PROX1: variants seen among roughly 807,000 people sequenced by gnomAD.
PROX1 encodes the protein prospero homeobox protein 1.
In PROX1, 7 loss-of-function variants were observed where a neutral mutation model predicts 58.8. The ratio of observed to expected loss-of-function variants is 0.12; its 90% CI spans 0.07 to 0.22. The LOEUF is 0.22. Among genes scored for constraint, PROX1 ranks in the 10% least tolerant of loss-of-function variants. The pLI, the probability that PROX1 is intolerant of heterozygous loss-of-function variation, is 1.00. For missense variants in PROX1, 675 were observed against 927.8 expected (o/e 0.73, Z 3.54); for synonymous variants, 350 against 358.3 (o/e 0.98, Z 0.26).
chr1:214,019,878 A>T (rs532553812), intron 4 of PROX1, among the ~76,000 whole-genome samples: 1 of 152,214 alleles, frequency 6.6e-6, no homozygotes, highest in East Asian at 1.9e-4. Context: ...GCTGATGATC[A>T]TGTATTCATC....
intron 4 of PROX1, among the ~76,000 whole-genome samples, chr1:214,014,897 T>G (rs553935764): frequency 6.6e-6 from 1 of 152,258 alleles, no homozygotes; most frequent in East Asian, 1.9e-4. Context: ...TGCTGATGGC[T>G]CTCAAGGCTG....
chr1:214,029,811 G>T (rs1326993544), intron 4 of PROX1: 5 of 152,122 alleles, frequency 3.3e-5, no homozygotes, highest in Non-Finnish European at 1.5e-5. Context: ...GAGGCTGGGG[G>T]GTGGCTGGGG....
chr1:214,036,065 T>TAACA lies in PROX1; in HGVS notation c.*232_*235dup. On this transcript the variant is annotated 3_prime_UTR_variant, in exon 5 of 5. Coordinates refer to ENST00000366958, the MANE Select transcript of PROX1 (RefSeq NM_001270616.2). ...TTAGTTTGCTTTTGCCCAAGGCCCT[T>TAACA]AACATTTGGACACTTAAAATAGGGT... 2.8e-6 allele frequency: 1 copy of TAACA among 359,082 alleles called. No homozygotes were observed. Among genetic ancestry groups the TAACA allele is most frequent in the East Asian group, 4.5e-5 (1 of 22,264 alleles). 22.2% of individuals were successfully genotyped at this position (359,082 alleles called of 1,614,324 possible). A position where few individuals can be genotyped will look rare whatever the true frequency, so the allele number is the denominator to read the frequency against.
chr1:213,985,769 A>C (rs936519617), upstream of PROX1: 1 of 152,240 alleles, frequency 6.6e-6, no homozygotes, highest in African/African-American at 2.4e-5. Flanking sequence ...TTGTGGGCTA[A>C]AGTGCAAGCC....
At chr1:214,015,680 C>T (rs1664069150) in intron 4 of PROX1, among the ~76,000 whole-genome samples, 1 of 151,774 alleles carries the variant, frequency 6.6e-6, no homozygotes, top group Admixed American at 6.6e-5. Context: ...AGCCAAAAGA[C>T]ATAGCAGCTA....
Position 213,997,348 on chromosome 1 carries a change from T to C in PROX1, c.813T>C (p.Asp271=), listed in dbSNP as rs140471005. The change falls in exon 2 of 5, where the codon GAT becomes GAC. Residue 271 remains aspartate (D), a synonymous_variant. Transcript: ENST00000366958. This position sits in a 1 kb window ranked among gnomAD's most constrained non-coding sequence, Gnocchi z 7.1. ...GCACTGATTCGGAAAATGATGAAGA[T>C]GGTAACCTGTCTGAAGACAGCATGC... ...YDSTDSENDE[D]GNLSEDSMRS... 6 of 1,613,912 alleles carry C rather than the reference T, an allele frequency of 3.7e-6. No homozygotes were observed. The African/African-American group carries it at 6.7e-5, about 18-fold the overall frequency.
intron 4 of PROX1, chr1:214,029,314 A>T (rs1381834770): frequency 6.6e-6 from 1 of 152,166 alleles, no homozygotes; most frequent in Non-Finnish European, 1.5e-5. Flanking sequence ...GCTATGTATG[A>T]TTGGTACATC....
chr1:214,011,966 A>C (rs1328346309), intron 4 of PROX1, among the ~76,000 whole-genome samples: 1 of 152,148 alleles, frequency 6.6e-6, no homozygotes, highest in Non-Finnish European at 1.5e-5. Context: ...GGCCACAGAA[A>C]AGGGAACTGT....
chr1:214,012,050 A>G (rs1233067960), intron 4 of PROX1, among the ~76,000 whole-genome samples: 3 of 152,214 alleles, frequency 2.0e-5, no homozygotes, highest in East Asian at 1.9e-4. Context: ...TCCCTACTCC[A>G]ATAGACCTTT....
intron 3 of PROX1, among the ~76,000 whole-genome samples, chr1:214,010,810 C>A (rs12080019): frequency 6.6e-6 from 1 of 152,200 alleles, no homozygotes; most frequent in Non-Finnish European, 1.5e-5. Flanking sequence ...TGTGTCCTAA[C>A]CATGCCTCCC....
In PROX1 at chr1:214,038,522, A is replaced by G. The variant is rs1664902147; in HGVS notation, c.*2688A>G. 6.8e-6 allele frequency: 1 copy of G among 146,890 alleles called. No homozygotes were observed. The highest frequency in any genetic ancestry group is 1.5e-5 in the Non-Finnish European group (1 of 65,100). 9.1% of individuals were successfully genotyped at this position (146,890 alleles called of 1,614,324 possible). A position where few individuals can be genotyped will look rare whatever the true frequency, so the allele number is the denominator to read the frequency against. ...GAGGGACAGTTTACATAGGAAAAGA[A>G]AAAAAAAAGTCTAAAGTCCATGTTG... is the stretch of plus-strand genomic sequence containing the variant. On this transcript the variant is annotated 3_prime_UTR_variant, in exon 5 of 5. Transcript: ENST00000366958.
At chr1:214,000,833 T>A (rs1216212898) in intron 2 of PROX1, among the ~76,000 whole-genome samples, 1 of 152,198 alleles carries the variant, frequency 6.6e-6, no homozygotes, top group African/African-American at 2.4e-5. Flanking sequence ...TTGATTTAAC[T>A]GTTAGTGTGT....
intron 4 of PROX1, among the ~76,000 whole-genome samples, 173 bp from the exon 5 acceptor site, chr1:214,035,476 G>T (rs951407760): frequency 2.0e-5 from 3 of 152,082 alleles, no homozygotes; most frequent in African/African-American, 7.2e-5. Context: ...ACATCACAAT[G>T]CTTCTATATA....
chr1:214,009,173 T>C (rs1023333366), intron 3 of PROX1, among the ~76,000 whole-genome samples: 1 of 152,226 alleles, frequency 6.6e-6, no homozygotes, highest in Non-Finnish European at 1.5e-5. Flanking sequence ...TGATTTGTTT[T>C]ATACATCTTT....
In PROX1 at chr1:213,997,962, C is replaced by G; in HGVS notation, c.1427C>G (p.Thr476Ser). 1 of 1,614,040 alleles carries G rather than the reference C, an allele frequency of 6.2e-7. No individual in the cohort carries two copies. Among genetic ancestry groups the G allele is most frequent in the Non-Finnish European group, 8.5e-7 (1 of 1,179,958 alleles). ...CCTCTCTCTGCCACCACGGGCTTCA[C>G]CACGTCCACCTTCCGCCACCCCTTC... ...QSPLSATTGF[T>S]TSTFRHPFPL... The change falls in exon 2 of 5, where the codon ACC (threonine) becomes AGC (serine). Residue 476 changes from threonine (T) to serine (S), a missense_variant. Thr to Ser is a moderately conservative substitution (Grantham distance 58). Coordinates refer to ENST00000366958, the MANE Select transcript of PROX1 (RefSeq NM_001270616.2). The surrounding 1 kb of genome is among the most constrained non-coding windows in gnomAD (Gnocchi z 7.1).
At chr1:214,008,347 G>A (rs756499311) in intron 3 of PROX1, among the ~76,000 whole-genome samples, 8 of 151,788 alleles carry the variant, frequency 5.3e-5, no homozygotes, top group South Asian at 2.1e-4. Context: ...GAGCCACCGC[G>A]CTCAGCCCTC....
chr1:213,983,756 C>G (rs1662756349), upstream of PROX1: 1 of 152,258 alleles, frequency 6.6e-6, no homozygotes, highest in South Asian at 2.1e-4. Flanking sequence ...CCAGCTTCTT[C>G]GCTACTATGG....
In PROX1 at chr1:214,037,091, C is replaced by T. The variant is rs1664852298; in HGVS notation, c.*1257C>T. 6.6e-6 allele frequency: 1 copy of T among 152,228 alleles called. No individual in the cohort carries two copies. Among genetic ancestry groups the T allele is most frequent in the Admixed American group, 6.5e-5 (1 of 15,286 alleles). 9.4% of individuals were successfully genotyped at this position (152,228 alleles called of 1,614,324 possible). A position where few individuals can be genotyped will look rare whatever the true frequency, so the allele number is the denominator to read the frequency against. On this transcript the variant is annotated 3_prime_UTR_variant, in exon 5 of 5. Coordinates refer to ENST00000366958, the MANE Select transcript of PROX1 (RefSeq NM_001270616.2). ...GTTAACCCAAAAGACACAATTCCAG[C>T]ACACATAAGAAAGCTAGCTGCTATT...
rs1370160742 is a variant in PROX1, at chr1:214,038,730, A to T, written c.*2896A>T. 3 of 152,118 alleles carry T rather than the reference A, an allele frequency of 2.0e-5. No homozygotes were observed. Among genetic ancestry groups the T allele is most frequent in the African/African-American group, 7.2e-5 (3 of 41,422 alleles). 9.4% of individuals were successfully genotyped at this position (152,118 alleles called of 1,614,324 possible). On this transcript the variant is annotated 3_prime_UTR_variant, in exon 5 of 5. Coordinates refer to ENST00000366958, the MANE Select transcript of PROX1 (RefSeq NM_001270616.2). The stretch of plus-strand genomic sequence containing the variant: ...TGTGCCTTCTGTGGCTTTCGATTTC[A>T]TCTTTTTGACTTTATTTCCAATTAC...
Sources: allele counts gnomAD v4.1 joint callset (sites outside exome capture counted in the v4.1 genomes callset), GRCh38; gene constraint gnomAD v4.1.1; non-coding constraint Gnocchi (gnomAD v3.1); transcripts MANE v1.5; gene names NCBI Gene and HGNC (gene_info 2026-07-23, HGNC 2026-07-21).